The following SOCS5 variants were observed in gnomAD, a reference collection of about 807,000 sequenced individuals.
The protein encoded by SOCS5 is CIS-6.
In SOCS5, 32 loss-of-function variants were observed where a neutral mutation model predicts 42.8. That is an observed-to-expected ratio of 0.75 (90% confidence interval 0.56 to 1.01). The LOEUF is 1.01. SOCS5 is among the 50% of genes least tolerant of loss of function. The pLI is 0.00. For missense variants in SOCS5, 627 were observed against 653.0 expected (o/e 0.96, Z 0.43); for synonymous variants, 283 against 229.6 (o/e 1.23, Z -2.10).
In SOCS5 at chr2:46,722,310, G is replaced by C. The variant is rs190109105; in HGVS notation, c.-13+22861G>C. Among the ~76,000 whole-genome samples, 20 of 129,456 alleles carry C rather than the reference G, an allele frequency of 1.5e-4. No individual in the cohort carries two copies. The East Asian group carries it at 4.1e-3, about 27-fold the overall frequency. 84.9% of individuals were successfully genotyped at this position (129,456 alleles called of 152,430 possible). ...ATGCTCAAAGGATTTAAGACATTTT[G>C]TATACATTTGCCAGTCAAGGGGGAA... is the stretch of plus-strand genomic sequence containing the variant. On this transcript the variant is annotated intron_variant, in intron 1 of 1. Transcript: ENST00000394861.
intron 1 of SOCS5, among the ~76,000 whole-genome samples, chr2:46,758,219 G>A (rs562508193): frequency 2.6e-5 from 4 of 152,338 alleles, no homozygotes; most frequent in African/African-American, 7.2e-5. Flanking sequence ...GTTGAAGCAC[G>A]GGAAAAAGAA....
intron 1 of SOCS5, among the ~76,000 whole-genome samples, chr2:46,758,167 G>A (rs1673769842): frequency 6.6e-6 from 1 of 152,232 alleles, no homozygotes; most frequent in Non-Finnish European, 1.5e-5. Flanking sequence ...TCAACAATAT[G>A]GAACATATTT....
chr2:46,706,907 G>C (rs948650175), intron 1 of SOCS5, among the ~76,000 whole-genome samples: 1 of 152,180 alleles, frequency 6.6e-6, no homozygotes. Context: ...TAAAATATAA[G>C]AAAGTACCAA....
chr2:46,733,662 A>T (rs1673178722), intron 1 of SOCS5, among the ~76,000 whole-genome samples: 1 of 152,184 alleles, frequency 6.6e-6, no homozygotes, highest in African/African-American at 2.4e-5. Context: ...AAAAAGCTAT[A>T]ACATTCTTTC....
chr2:46,733,285 G>A (rs1463527446), intron 1 of SOCS5, among the ~76,000 whole-genome samples: 1 of 151,844 alleles, frequency 6.6e-6, no homozygotes, highest in Non-Finnish European at 1.5e-5. Flanking sequence ...AGTAGAGATG[G>A]GGTTTCACCA....
At position 46,758,960 on chromosome 2, in the gene SOCS5, A is replaced by G; in HGVS notation, c.430A>G (p.Arg144Gly). Residue 144 changes from arginine to glycine, a missense_variant, in exon 2 of 2, where the codon AGA becomes GGA. Arg to Gly is a moderately radical substitution (Grantham distance 125). This residue lies in a region of SOCS5 where 278 missense variants were observed against 246.3 expected (regional missense o/e 1.13). Coordinates refer to ENST00000394861, the MANE Select transcript of SOCS5 (RefSeq NM_144949.3). ...SSLDADKKFG[R>G]TRSGLQRRER... ...ATTGGATGCTGATAAAAAGTTTGGT[A>G]GAACTCGAAGTGGACTTCAAAGGAG... 1 of 1,613,986 alleles carries G rather than the reference A, an allele frequency of 6.2e-7. No homozygotes were observed. Among genetic ancestry groups the G allele is most frequent in the Non-Finnish European group, 8.5e-7 (1 of 1,179,854 alleles).
At chr2:46,702,174 A>T (rs947697885) in intron 1 of SOCS5, among the ~76,000 whole-genome samples, 2 of 152,140 alleles carry the variant, frequency 1.3e-5, no homozygotes, top group Admixed American at 6.5e-5. Flanking sequence ...GGTACAGCAA[A>T]TATTAGACAT....
At chr2:46,746,174 G>T (rs1244420042) in intron 1 of SOCS5, among the ~76,000 whole-genome samples, 1 of 152,078 alleles carries the variant, frequency 6.6e-6, no homozygotes, top group Non-Finnish European at 1.5e-5. Context: ...AAATGATGAA[G>T]ACTGAACCTG....
chr2:46,733,106 A>G (rs1268149917), intron 1 of SOCS5, among the ~76,000 whole-genome samples: 1 of 150,866 alleles, frequency 6.6e-6, no homozygotes, highest in African/African-American at 2.4e-5. Flanking sequence ...TTATTTATTT[A>G]TTTTTTGAGG....
intron 1 of SOCS5, among the ~76,000 whole-genome samples, chr2:46,743,185 G>T (rs548108163): frequency 6.6e-6 from 1 of 152,136 alleles, no homozygotes; most frequent in African/African-American, 2.4e-5. Flanking sequence ...CAGGAAAGGG[G>T]TCCCGATCCA....
At chr2:46,716,879 G>T in intron 1 of SOCS5, among the ~76,000 whole-genome samples, 1 of 152,090 alleles carries the variant, frequency 6.6e-6, no homozygotes, top group African/African-American at 2.4e-5. Flanking sequence ...TTTAGTTTAG[G>T]GCCTGTTTGG....
chr2:46,718,095 T>TTG (rs10539315), intron 1 of SOCS5, among the ~76,000 whole-genome samples: 12 of 150,328 alleles, frequency 8.0e-5, no homozygotes, highest in South Asian at 2.1e-4. Flanking sequence ...TTCTTGTGTT[T>TTG]TGTGTGTGTG....
chr2:46,753,200 C>T lies in SOCS5; in HGVS notation c.-12-5319C>T, dbSNP rs150718978. 4.9e-3 allele frequency among the ~76,000 whole-genome samples: 743 copies of T among 152,258 alleles called. 6 individuals are homozygous for T. The highest frequency in any genetic ancestry group is 0.01 in the Admixed American group (153 of 15,284). On this transcript the variant is annotated intron_variant, in intron 1 of 1. Coordinates refer to ENST00000394861, the MANE Select transcript of SOCS5 (RefSeq NM_144949.3). Reference sequence around the variant, plus strand: ...GTTCCCTCTGCCTATAGTACATTGTCCTGATTCATTTCTTCTTATCCTTCA... The same window carrying T: ...GTTCCCTCTGCCTATAGTACATTGTTCTGATTCATTTCTTCTTATCCTTCA...
intron 1 of SOCS5, among the ~76,000 whole-genome samples, chr2:46,702,678 T>G (rs41481545): frequency 0.015 from 2,357 of 152,318 alleles, 60 homozygotes; most frequent in African/African-American, 0.054. Context: ...TTCATTAAGC[T>G]GTGAGATTTT....
In SOCS5 at chr2:46,699,602, C is replaced by T. The variant is rs1465706473; in HGVS notation, c.-13+153C>T. ...ACCGCGGCGGAGGCAGCGCCGGCCTCTGGCTGGGATGGGCTGGCCGGGAAA... is the reference window on the plus strand; with the variant it reads ...ACCGCGGCGGAGGCAGCGCCGGCCTTTGGCTGGGATGGGCTGGCCGGGAAA... On this transcript the variant is annotated intron_variant, in intron 1 of 1. Transcript: ENST00000394861. The surrounding 1 kb of genome is among the most constrained non-coding windows in gnomAD (Gnocchi z 4.8). Among the ~76,000 whole-genome samples, 2 of 152,096 alleles carry T rather than the reference C, an allele frequency of 1.3e-5. No individual in the cohort carries two copies. The highest frequency in any genetic ancestry group is 1.5e-5 in the Non-Finnish European group (1 of 67,996).
At chr2:46,754,369 A>G (rs547160173) in intron 1 of SOCS5, among the ~76,000 whole-genome samples, 2 of 152,278 alleles carry the variant, frequency 1.3e-5, no homozygotes, top group South Asian at 4.1e-4. Flanking sequence ...GCCTCTACCT[A>G]ATTCAGCAGC....
chr2:46,738,250 T>A (rs1673295952), intron 1 of SOCS5, among the ~76,000 whole-genome samples: 2 of 152,000 alleles, frequency 1.3e-5, no homozygotes, highest in African/African-American at 4.8e-5. Flanking sequence ...GTATAATGAG[T>A]CCAGGAAGAC....
At chr2:46,754,520 AC>A (rs1413051983) in intron 1 of SOCS5, among the ~76,000 whole-genome samples, 4 of 152,110 alleles carry the variant, frequency 2.6e-5, no homozygotes, top group African/African-American at 9.7e-5. Context: ...CAGGTTTGGA[AC>A]CTAACATAAC....
At chr2:46,724,698 AT>A (rs1308529431) in intron 1 of SOCS5, among the ~76,000 whole-genome samples, 9 of 151,792 alleles carry the variant, frequency 5.9e-5, no homozygotes, top group Admixed American at 5.2e-4. Flanking sequence ...TTTATTTGTA[AT>A]TTAGGTTCAT....
Sources: allele counts gnomAD v4.1 joint callset (sites outside exome capture counted in the v4.1 genomes callset), GRCh38; gene constraint gnomAD v4.1.1; regional missense constraint gnomAD v4.1.1; non-coding constraint Gnocchi (gnomAD v3.1); transcripts MANE v1.5; gene names NCBI Gene and HGNC (gene_info 2026-07-23, HGNC 2026-07-21).